MEGF11: variants seen among roughly 807,000 people sequenced by gnomAD.
MEGF11 encodes multiple epidermal growth factor-like domains protein 11.
MEGF11 carries 126 observed loss-of-function variants against 146.6 expected under a neutral mutation model. The ratio of observed to expected loss-of-function variants is 0.86; its 90% CI spans 0.74 to 1.00. The LOEUF is 1.00. MEGF11 is among the 50% of genes least tolerant of loss of function. The pLI is 0.00. For missense variants in MEGF11, 1,509 were observed against 1,521.2 expected, an observed-to-expected ratio of 0.99 and a Z score of 0.13; for synonymous variants, 532 against 583.4, an observed-to-expected ratio of 0.91 and a Z score of 1.27.
At chr15:65,924,810 G>T (rs945711992) in intron 13 of MEGF11, among the ~76,000 whole-genome samples, 5 of 152,082 alleles carry the variant, frequency 3.3e-5, no homozygotes, top group African/African-American at 1.2e-4. Context: ...TGTATTTTTA[G>T]TAGAGACGGG....
At chr15:66,023,529 T>C (rs1246245251) in intron 5 of MEGF11, among the ~76,000 whole-genome samples, 1 of 152,228 alleles carries the variant, frequency 6.6e-6, no homozygotes, top group East Asian at 1.9e-4. Flanking sequence ...TCTGTGTGGC[T>C]TTATAAGGCA....
chr15:66,031,800 C>G (rs1021276123), intron 5 of MEGF11, among the ~76,000 whole-genome samples: 11 of 152,344 alleles, frequency 7.2e-5, no homozygotes, highest in Admixed American at 3.3e-4. Flanking sequence ...GTGTTGGAAA[C>G]TTAATCCCTC....
intron 7 of MEGF11, among the ~76,000 whole-genome samples, chr15:65,976,386 A>G (rs2081447931): frequency 6.6e-6 from 1 of 152,174 alleles, no homozygotes; most frequent in Non-Finnish European, 1.5e-5. Context: ...TCAGAATGTG[A>G]CTGTATTTGG....
intron 5 of MEGF11, among the ~76,000 whole-genome samples, chr15:65,996,076 G>A (rs1400538155): frequency 6.6e-6 from 1 of 152,148 alleles, no homozygotes; most frequent in African/African-American, 2.4e-5. Flanking sequence ...TGTGGACACT[G>A]GGGTCCTAGT....
intron 2 of MEGF11, among the ~76,000 whole-genome samples, chr15:66,126,707 C>T (rs575562708): frequency 1.6e-4 from 25 of 152,262 alleles, no homozygotes; most frequent in African/African-American, 5.5e-4. Flanking sequence ...TGTGTCTTAA[C>T]AGGACCAGAG....
intron 5 of MEGF11, among the ~76,000 whole-genome samples, chr15:66,050,635 C>A (rs1220720802): frequency 6.6e-6 from 1 of 152,186 alleles, no homozygotes; most frequent in Non-Finnish European, 1.5e-5. Context: ...CATGACCTGA[C>A]CAATGTTTTA....
intron 10 of MEGF11, among the ~76,000 whole-genome samples, chr15:65,934,404 C>T (rs549935411): frequency 1.2e-4 from 19 of 152,300 alleles, no homozygotes; most frequent in Middle Eastern, 3.4e-3. Flanking sequence ...GCATGTGCCA[C>T]CACACCCAGA....
chr15:66,091,226 G>T (rs2086307403), intron 5 of MEGF11, among the ~76,000 whole-genome samples: 1 of 152,194 alleles, frequency 6.6e-6, no homozygotes, highest in African/African-American at 2.4e-5. Flanking sequence ...AGGCACTGCA[G>T]AGAGCACACT....
intron 1 of MEGF11, among the ~76,000 whole-genome samples, chr15:66,214,067 C>G (rs549277264): frequency 7.5e-6 from 1 of 133,944 alleles, no homozygotes; most frequent in Non-Finnish European, 1.5e-5. Context: ...TGGAGTCTCA[C>G]TCTTGTTGCC....
chr15:66,168,385 T>C (rs1465841595), intron 1 of MEGF11, among the ~76,000 whole-genome samples: 1 of 152,144 alleles, frequency 6.6e-6, no homozygotes, highest in African/African-American at 2.4e-5. Context: ...TGTGACCCTC[T>C]CCTCTGCAGA....
At chr15:66,020,710 C>T (rs905667172) in intron 5 of MEGF11, among the ~76,000 whole-genome samples, 1 of 151,988 alleles carries the variant, frequency 6.6e-6, no homozygotes, top group Non-Finnish European at 1.5e-5. Flanking sequence ...ATTACAGTGC[C>T]GGCCGGGCGC....
chr15:66,144,901 G>T (rs1332565626), intron 1 of MEGF11, among the ~76,000 whole-genome samples: 5 of 152,208 alleles, frequency 3.3e-5, no homozygotes, highest in African/African-American at 4.8e-5. Flanking sequence ...AGGCACTGAA[G>T]ATACAACAGT....
At chr15:65,899,586 GACAGCCTATAAGTGGC>G (rs2078442393) in intron 24 of MEGF11, among the ~76,000 whole-genome samples, 1 of 152,198 alleles carries the variant, frequency 6.6e-6, no homozygotes, top group South Asian at 2.1e-4. Flanking sequence ...TCAGCAATTT[GACAGCCTATAAGTGGC>G]AGACTCTTAG....
At chr15:66,144,926 C>G (rs1405839189) in intron 1 of MEGF11, among the ~76,000 whole-genome samples, 1 of 152,234 alleles carries the variant, frequency 6.6e-6, no homozygotes, top group East Asian at 1.9e-4. Flanking sequence ...GAAGTAGACA[C>G]TGTTTCTCCC....
chr15:65,956,123 C>T (rs1356985799), intron 10 of MEGF11, among the ~76,000 whole-genome samples: 1 of 152,138 alleles, frequency 6.6e-6, no homozygotes, highest in Non-Finnish European at 1.5e-5. Context: ...AGACCAAATA[C>T]ATCAGAATCT....
chr15:65,966,485 C>G (rs1241117902), intron 8 of MEGF11, among the ~76,000 whole-genome samples: 3 of 152,170 alleles, frequency 2.0e-5, no homozygotes, highest in African/African-American at 4.8e-5. Context: ...GCCTTTGGGC[C>G]AGATGTACAG....
At position 65,895,946 on chromosome 15, in the gene MEGF11, T is replaced by C. The variant is rs919432063; in HGVS notation, c.*1988A>G. ...TGACAAAAGCGGCGAAACTTCAAAC[T>C]TGAGTGATGCTGCTTGTTTGCAGTT... On this transcript the variant is annotated 3_prime_UTR_variant, in exon 26 of 26. Coordinates refer to ENST00000395614, the MANE Select transcript of MEGF11 (RefSeq NM_001385028.1). 6.6e-6 allele frequency: 1 copy of C among 152,212 alleles called. No individual in the cohort carries two copies. The highest frequency in any genetic ancestry group is 2.4e-5 in the African/African-American group (1 of 41,470). 9.4% of individuals were successfully genotyped at this position (152,212 alleles called of 1,614,324 possible).
At chr15:65,926,307 G>T (rs2079370585) in intron 13 of MEGF11, among the ~76,000 whole-genome samples, 1 of 152,248 alleles carries the variant, frequency 6.6e-6, no homozygotes, top group African/African-American at 2.4e-5. Flanking sequence ...TCTGTGGCAT[G>T]AGAAGGTTGG....
chr15:66,239,633 C>T (rs1433502205), intron 1 of MEGF11, among the ~76,000 whole-genome samples: 1 of 152,204 alleles, frequency 6.6e-6, no homozygotes, highest in Non-Finnish European at 1.5e-5. Flanking sequence ...CCCCAGCCTC[C>T]CCCAGGGTGA....
Sources: gnomAD v4.1 joint callset for allele counts (sites outside exome capture counted in the v4.1 genomes callset) on GRCh38, gnomAD v4.1.1 for gene constraint, MANE v1.5 for transcripts, NCBI Gene and HGNC (gene_info 2026-07-23, HGNC 2026-07-21) for gene names.